The following AIG1 variants were observed in gnomAD, a reference collection of about 807,000 sequenced individuals.
The protein encoded by AIG1 is androgen-induced gene 1 protein.
A neutral mutation model predicts 31.4 loss-of-function variants in AIG1; 23 were observed. The observed-to-expected ratio is 0.73, with a 90% CI of 0.53 to 1.04. AIG1 has a LOEUF of 1.04. Ranked by LOEUF, AIG1 falls within the 50% of genes least tolerant of loss-of-function variation. The pLI, the probability that AIG1 is intolerant of heterozygous loss-of-function variation, is 0.00. For synonymous variants in AIG1, 100 were observed against 110.5 expected (o/e 0.90, Z 0.60); for missense variants, 274 against 295.0 (o/e 0.93, Z 0.52).
At chr6:143,312,274 C>T (rs1394926628) in intron 4 of AIG1, among the ~76,000 whole-genome samples, 1 of 151,952 alleles carries the variant, frequency 6.6e-6, no homozygotes, top group East Asian at 1.9e-4. Flanking sequence ...GCAAAAAGAG[C>T]AGAACTGAAA....
Position 143,328,085 on chromosome 6 carries a change from T to C in AIG1, c.516-5197T>C, listed in dbSNP as rs955917114. ...CCAAGATTTAAGCAAATCCAAAAAT[T>C]AGTGGTAGGGTAGTGAAGGGTGCAC... is the stretch of plus-strand genomic sequence containing the variant. On this transcript the variant is annotated intron_variant, in intron 4 of 5. Transcript: ENST00000357847. The surrounding 1 kb of genome is among the most constrained non-coding windows in gnomAD (Gnocchi z 4.0). 2.0e-5 allele frequency among the ~76,000 whole-genome samples: 3 copies of C among 152,092 alleles called. No individual in the cohort carries two copies. The highest frequency in any genetic ancestry group is 4.4e-5 in the Non-Finnish European group (3 of 68,014).
In AIG1 at chr6:143,221,685, A is replaced by T. The variant is rs149986397; in HGVS notation, c.399+56502A>T. On this transcript the variant is annotated intron_variant, in intron 3 of 5. Transcript: ENST00000357847. ...GTAATACATTTCATGCATTTTCTTCATTTCATCCTTAATTTCAATTTCCTA... is the reference window on the plus strand; with the variant it reads ...GTAATACATTTCATGCATTTTCTTCTTTTCATCCTTAATTTCAATTTCCTA... Among the ~76,000 whole-genome samples, 167 of 152,176 alleles carry T rather than the reference A, an allele frequency of 1.1e-3. 1 individual carries two copies. Among genetic ancestry groups the T allele is most frequent in the African/African-American group, 3.8e-3 (157 of 41,504 alleles).
At position 143,310,566 on chromosome 6, in the gene AIG1, G is replaced by C. The variant is rs1003429004; in HGVS notation, c.516-22716G>C. Among the ~76,000 whole-genome samples, 6 of 149,408 alleles carry C rather than the reference G, an allele frequency of 4.0e-5. No individual in the cohort carries two copies. The South Asian group carries it at 1.3e-3, about 32-fold the overall frequency. On this transcript the variant is annotated intron_variant, in intron 4 of 5. Transcript: ENST00000357847. The stretch of plus-strand genomic sequence containing the variant: ...CTAATCTGATGTAAGACTAGAGAAG[G>C]AACAATTTAAGTCAAAAGTAAGAAG...
chr6:143,246,373 G>A (rs1583614082), intron 3 of AIG1, among the ~76,000 whole-genome samples: 1 of 152,084 alleles, frequency 6.6e-6, no homozygotes, highest in Admixed American at 6.5e-5. Context: ...TCTTACATGG[G>A]TGGCAGCAGG....
At chr6:143,177,375 C>T (rs549163198) in intron 3 of AIG1, among the ~76,000 whole-genome samples, 1 of 152,248 alleles carries the variant, frequency 6.6e-6, no homozygotes, top group Admixed American at 6.5e-5. Flanking sequence ...TTCCATATTT[C>T]TTGTTTCCCT....
chr6:143,199,325 A>G (rs763233030), intron 3 of AIG1, among the ~76,000 whole-genome samples: 24 of 152,142 alleles, frequency 1.6e-4, no homozygotes, highest in African/African-American at 3.1e-4. Flanking sequence ...GTGAAATGAT[A>G]TGATGTCTGA....
At chr6:143,120,383 G>A (rs1782140588) in intron 1 of AIG1, among the ~76,000 whole-genome samples, 1 of 152,158 alleles carries the variant, frequency 6.6e-6, no homozygotes, top group South Asian at 2.1e-4. Context: ...AGACATACCT[G>A]AGACTGGGTA....
At chr6:143,265,953 G>A (rs1246303870) in intron 3 of AIG1, among the ~76,000 whole-genome samples, 1 of 152,152 alleles carries the variant, frequency 6.6e-6, no homozygotes, top group Non-Finnish European at 1.5e-5. Context: ...CATGCCACAG[G>A]CATTCAAATG....
At chr6:143,179,614 T>C (rs1325698417) in intron 3 of AIG1, among the ~76,000 whole-genome samples, 1 of 152,216 alleles carries the variant, frequency 6.6e-6, no homozygotes, top group Admixed American at 6.5e-5. Context: ...ATGATTATCA[T>C]GAAAGGAGAA....
chr6:143,183,439 T>C (rs948408848), intron 3 of AIG1, among the ~76,000 whole-genome samples: 1 of 152,134 alleles, frequency 6.6e-6, no homozygotes, highest in Non-Finnish European at 1.5e-5. Context: ...CATGATCCGC[T>C]TGACTTGGCC....
chr6:143,200,152 G>A (rs1289235838), intron 3 of AIG1, among the ~76,000 whole-genome samples: 1 of 152,178 alleles, frequency 6.6e-6, no homozygotes, highest in Non-Finnish European at 1.5e-5. Context: ...CTCAAGATGA[G>A]ATGTTCATCT....
intron 1 of AIG1, among the ~76,000 whole-genome samples, chr6:143,084,260 T>G (rs1363400874): frequency 6.6e-6 from 1 of 152,178 alleles, no homozygotes; most frequent in Admixed American, 6.5e-5. Flanking sequence ...TCAGAGGACC[T>G]TCATCCCCTG....
rs1004316911 is a variant in AIG1, at chr6:143,330,981, T to C, written c.516-2301T>C. On this transcript the variant is annotated intron_variant, in intron 4 of 5. Coordinates refer to ENST00000357847, the MANE Select transcript of AIG1 (RefSeq NM_016108.4). The surrounding 1 kb of genome is among the most constrained non-coding windows in gnomAD (Gnocchi z 4.4). ...AACTGCTTCAGCTTTTCTAACAGAA[T>C]CTTTGGACTAACATGGCCTCTTTTT... 1.3e-5 allele frequency among the ~76,000 whole-genome samples: 2 copies of C among 152,176 alleles called. No homozygotes were observed. Among genetic ancestry groups the C allele is most frequent in the African/African-American group, 4.8e-5 (2 of 41,428 alleles).
chr6:143,189,759 A>G, intron 3 of AIG1: 1 of 985,072 alleles, frequency 1.0e-6, no homozygotes, highest in Non-Finnish European at 1.2e-6. Context: ...TCTTATATTA[A>G]TATGAGTCAT....
intron 4 of AIG1, among the ~76,000 whole-genome samples, chr6:143,323,616 G>A (rs1410260530): frequency 1.3e-5 from 2 of 152,014 alleles, no homozygotes; most frequent in Non-Finnish European, 2.9e-5. Flanking sequence ...ACTTTACTAA[G>A]GAGACCATTT....
intron 3 of AIG1, among the ~76,000 whole-genome samples, chr6:143,168,091 T>C (rs1583394881): frequency 1.3e-5 from 2 of 152,188 alleles, no homozygotes; most frequent in East Asian, 3.8e-4. Context: ...AAATGTGTAA[T>C]AAAATGACAT....
At chr6:143,199,927 T>G (rs1790556856) in intron 3 of AIG1, among the ~76,000 whole-genome samples, 1 of 152,104 alleles carries the variant, frequency 6.6e-6, no homozygotes. Flanking sequence ...AGGGTAGGCT[T>G]TTGACAGATG....
chr6:143,252,382 A>G (rs1262236259), intron 3 of AIG1, among the ~76,000 whole-genome samples: 3 of 152,168 alleles, frequency 2.0e-5, no homozygotes, highest in African/African-American at 4.8e-5. Context: ...TGGCCTCCCA[A>G]AGTGCTGGGA....
At chr6:143,187,469 A>C in intron 3 of AIG1, 3 of 1,535,546 alleles carry the variant, frequency 2.0e-6, no homozygotes, top group Non-Finnish European at 8.7e-7. Flanking sequence ...GGCACTCGAC[A>C]CTCTGCTCAA....
Sources: allele counts gnomAD v4.1 joint callset (sites outside exome capture counted in the v4.1 genomes callset), GRCh38; gene constraint gnomAD v4.1.1; non-coding constraint Gnocchi (gnomAD v3.1); transcripts MANE v1.5; gene names NCBI Gene and HGNC (gene_info 2026-07-23, HGNC 2026-07-21).